PCDHGB6: variants seen among roughly 807,000 people sequenced by gnomAD.
PCDHGB6 encodes the protein protocadherin gamma-B6.
Under a neutral mutation model 59.1 loss-of-function variants are expected in PCDHGB6, and 51 were observed. That is an observed-to-expected ratio of 0.86 (90% CI 0.69 to 1.09). PCDHGB6 has a LOEUF of 1.09. Among genes scored for constraint, PCDHGB6 ranks in the 50% least tolerant of loss-of-function variants. The pLI is 0.00. For missense variants in PCDHGB6, 1,148 were observed against 1,205.1 expected (o/e 0.95, Z 0.70); for synonymous variants, 466 against 495.1 (o/e 0.94, Z 0.78).
rs1309124846 is a variant in PCDHGB6, at chr5:141,491,295, T to C, written c.2419-3512T>C. On this transcript the variant is annotated intron_variant, in intron 1 of 3. Coordinates refer to ENST00000520790, the MANE Select transcript of PCDHGB6 (RefSeq NM_018926.3). This position sits in a 1 kb window ranked among gnomAD's most constrained non-coding sequence, Gnocchi z 6.9. ...CCAGTGACTTCCTCATACACCCTCC[T>C]GAGCGTTCAGACCTTACCCTTTACC... The C allele has an allele frequency of 6.2e-7, 1 of 1,614,176 alleles. No homozygotes were observed. Among genetic ancestry groups the C allele is most frequent in the Non-Finnish European group, 8.5e-7 (1 of 1,179,994 alleles).
rs1436956912 is a variant in PCDHGB6, at chr5:141,438,609, TATATATATATATATATATATATATATAC to T, written c.2418+27991_2418+28018del. Reference sequence around the variant, plus strand: ...ATACATACATATATATATATATATATATATATATATATATATATATATATATACACACACACACACACATATATGTATA... The same window carrying T: ...ATACATACATATATATATATATATATACACACACACACACATATATGTATA... On this transcript the variant is annotated intron_variant, in intron 1 of 3. Coordinates refer to ENST00000520790, the MANE Select transcript of PCDHGB6 (RefSeq NM_018926.3). Among the ~76,000 whole-genome samples the T allele has an allele frequency of 2.2e-3, 92 of 41,082 alleles. 2 individuals are homozygous for T. Among genetic ancestry groups the T allele is most frequent in the East Asian group, 7.4e-3 (6 of 810 alleles). The allele number at this position is 41,082 out of a possible 152,430, so 27.0% of individuals were successfully genotyped here.
At chr5:141,424,748 A>G (rs1218712198) in intron 1 of PCDHGB6, 3 of 152,034 alleles carry the variant, frequency 2.0e-5, no homozygotes, top group African/African-American at 4.8e-5. Flanking sequence ...TTCTTTCTTT[A>G]TAAGGTCATT....
Position 141,485,187 on chromosome 5 carries a change from T to A in PCDHGB6, c.2419-9620T>A, listed in dbSNP as rs1325714839. ...CGGGCGGCAGCAATGCTCCGCAAGG[T>A]GAGAAGCTGGACAGAAATCTGGCGG... On this transcript the variant is annotated intron_variant, in intron 1 of 3. Transcript: ENST00000520790. This position sits in a 1 kb window ranked among gnomAD's most constrained non-coding sequence, Gnocchi z 5.7. 1 of 1,613,502 alleles carries A rather than the reference T, an allele frequency of 6.2e-7. No individual in the cohort carries two copies. The highest frequency in any genetic ancestry group is 1.7e-5 in the Admixed American group (1 of 60,018).
chr5:141,502,516 A>G (rs947349505), intron 2 of PCDHGB6, among the ~76,000 whole-genome samples: 1 of 152,146 alleles, frequency 6.6e-6, no homozygotes, highest in African/African-American at 2.4e-5. Flanking sequence ...TCCCACTATC[A>G]GTGATGCCGA....
intron 1 of PCDHGB6, among the ~76,000 whole-genome samples, chr5:141,467,414 C>A (rs1410743140): frequency 6.6e-5 from 10 of 152,168 alleles, no homozygotes; most frequent in African/African-American, 1.2e-4. Flanking sequence ...CCTTTCCCCA[C>A]ACCTAGGTTA....
chr5:141,454,857 G>C (rs1365819097), intron 1 of PCDHGB6, among the ~76,000 whole-genome samples: 2 of 131,566 alleles, frequency 1.5e-5, no homozygotes, highest in African/African-American at 6.0e-5. Context: ...ACCCAGGCTG[G>C]AGTGCAGTGG....
chr5:141,421,927 C>T (rs1179128418), intron 1 of PCDHGB6: 2 of 1,613,396 alleles, frequency 1.2e-6, no homozygotes, highest in African/African-American at 2.7e-5. Flanking sequence ...TGTGGTGGTC[C>T]TCGATGTAAA....
At position 141,432,207 on chromosome 5, in the gene PCDHGB6, A is replaced by G. The variant is rs1181424938; in HGVS notation, c.2418+21587A>G. 3 of 1,614,176 alleles carry G rather than the reference A, an allele frequency of 1.9e-6. No homozygotes were observed. The highest frequency in any genetic ancestry group is 2.5e-6 in the Non-Finnish European group (3 of 1,180,026). ...ACCGCCCACGACCCCGACTGTGAAG[A>G]GAACGCCCAGATCACTTATTCCCTG... On this transcript the variant is annotated intron_variant, in intron 1 of 3. Transcript: ENST00000520790. The surrounding 1 kb of genome is among the most constrained non-coding windows in gnomAD (Gnocchi z 6.0).
At position 141,418,595 on chromosome 5, in the gene PCDHGB6, G is replaced by A. The variant is rs1331897624; in HGVS notation, c.2418+7975G>A. The A allele has an allele frequency of 2.5e-6, 4 of 1,613,928 alleles. No individual in the cohort carries two copies. Among genetic ancestry groups the A allele is most frequent in the Admixed American group, 3.3e-5 (2 of 60,006 alleles). On this transcript the variant is annotated intron_variant, in intron 1 of 3. Transcript: ENST00000520790. ...CAACCCCCCAGTGTTCAGCCAGGAC[G>A]TGTACAGGGTTAGCCTTCGGGAAGA...
rs138608867 is a variant in PCDHGB6 at position 141,477,655 on chromosome 5, T to C, written c.2419-17152T>C. 5.0e-3 allele frequency: 8,034 copies of C among 1,614,186 alleles called. 44 individuals carry two copies. The highest frequency in any genetic ancestry group is 9.4e-3 in the Admixed American group (567 of 60,020). On this transcript the variant is annotated intron_variant, in intron 1 of 3. Coordinates refer to ENST00000520790, the MANE Select transcript of PCDHGB6 (RefSeq NM_018926.3). The surrounding 1 kb of genome is among the most constrained non-coding windows in gnomAD (Gnocchi z 4.9). ...TAGTGGGTCGCTATTTCACAATAAA[T>C]CGTGACAATGGCATAGTGTCATCCT...
At chr5:141,421,531 T>G (rs1318944446) in intron 1 of PCDHGB6, 1 of 1,613,904 alleles carries the variant, frequency 6.2e-7, no homozygotes, top group Non-Finnish European at 8.5e-7. Flanking sequence ...GACGGTGTCC[T>G]CCTGTTTTTT....
chr5:141,431,768 G>T lies in PCDHGB6; in HGVS notation c.2418+21148G>T. 6.2e-7 allele frequency: 1 copy of T among 1,614,218 alleles called. No individual in the cohort carries two copies. The highest frequency in any genetic ancestry group is 8.5e-7 in the Non-Finnish European group (1 of 1,180,036). On this transcript the variant is annotated intron_variant, in intron 1 of 3. Coordinates refer to ENST00000520790, the MANE Select transcript of PCDHGB6 (RefSeq NM_018926.3). The surrounding 1 kb of genome is among the most constrained non-coding windows in gnomAD (Gnocchi z 4.8). ...TGCGCGAGCCAAAGTCCTGATCACT[G>T]TTCTGGACGTGAACGACAATGCCCC...
intron 2 of PCDHGB6, 84 bp downstream of exon 2, chr5:141,494,949 C>A (rs1193148622): frequency 6.2e-7 from 1 of 1,606,850 alleles, no homozygotes; most frequent in Non-Finnish European, 8.5e-7. Context: ...GAGGGCCCAG[C>A]ATTTGCTACA....
chr5:141,475,867 G>A (rs2099377217), intron 1 of PCDHGB6: 1 of 504,884 alleles, frequency 2.0e-6, no homozygotes, highest in Non-Finnish European at 3.5e-6. Flanking sequence ...CTCATTCTTC[G>A]TGCAGTTATT....
At chr5:141,450,006 C>CTATTTTTTTTT (rs70988802) in intron 1 of PCDHGB6, among the ~76,000 whole-genome samples, 2 of 132,964 alleles carry the variant, frequency 1.5e-5, no homozygotes, top group African/African-American at 2.8e-5. Flanking sequence ...TGCCATGTCT[C>CTATTTTTTTTT]TTTTTTTTTT....
Position 141,431,625 on chromosome 5 carries a change from C to T in PCDHGB6, c.2418+21005C>T. The T allele has an allele frequency of 6.2e-7, 1 of 1,614,224 alleles. No individual in the cohort carries two copies. Among genetic ancestry groups the T allele is most frequent in the South Asian group, 1.1e-5 (1 of 91,082 alleles). On this transcript the variant is annotated intron_variant, in intron 1 of 3. Transcript: ENST00000520790. This position sits in a 1 kb window ranked among gnomAD's most constrained non-coding sequence, Gnocchi z 4.8. Reference sequence around the variant, plus strand: ...TTCCGGTATGTGGACGACAAGGCGGCCCAAGTTTTCAAACTAGATTGTAAT... The same window carrying T: ...TTCCGGTATGTGGACGACAAGGCGGTCCAAGTTTTCAAACTAGATTGTAAT...
At chr5:141,413,199 A>T in intron 1 of PCDHGB6, 1 of 1,611,930 alleles carries the variant, frequency 6.2e-7, no homozygotes, top group Non-Finnish European at 8.5e-7. Flanking sequence ...GGAATCGCTC[A>T]AAGGAATCAA....
chr5:141,452,654 T>C (rs2098746449), intron 1 of PCDHGB6, among the ~76,000 whole-genome samples: 1 of 151,162 alleles, frequency 6.6e-6, no homozygotes, highest in Non-Finnish European at 1.5e-5. Context: ...ATTTGCTCCA[T>C]CCACTGCACT....
At chr5:141,423,160 G>A (rs1272708122) in intron 1 of PCDHGB6, 16 of 1,613,046 alleles carry the variant, frequency 9.9e-6, no homozygotes, top group Non-Finnish European at 1.2e-5. Flanking sequence ...GAGCCTCGTG[G>A]TGGCCGTCCA....
Sources: allele counts gnomAD v4.1 joint callset (sites outside exome capture counted in the v4.1 genomes callset), GRCh38; gene constraint gnomAD v4.1.1; non-coding constraint Gnocchi (gnomAD v3.1); transcripts MANE v1.5; gene names NCBI Gene and HGNC (gene_info 2026-07-23, HGNC 2026-07-21).